RGS7: variants seen among roughly 807,000 people sequenced by gnomAD.
RGS7 encodes regulator of G protein signaling 7.
RGS7 carries 27 observed loss-of-function variants against 81.1 expected under a neutral mutation model. That is an observed-to-expected ratio of 0.33 (90% CI 0.25 to 0.46). RGS7 has a LOEUF of 0.46. RGS7 is among the 20% of genes least tolerant of loss of function. RGS7 has a pLI of 1.00. For missense variants in RGS7, 396 were observed against 607.4 expected (o/e 0.65, Z 3.66); for synonymous variants, 208 against 207.7 (o/e 1.00, Z -0.01).
intron 6 of RGS7, among the ~76,000 whole-genome samples, chr1:240,907,072 G>A (rs75285165): frequency 0.019 from 2,959 of 152,148 alleles, 43 homozygotes; most frequent in Non-Finnish European, 0.028. Context: ...GTAGATCTCC[G>A]GACTTTGGCT....
chr1:240,899,216 G>C (rs1039536733), intron 6 of RGS7, among the ~76,000 whole-genome samples: 1 of 152,132 alleles, frequency 6.6e-6, no homozygotes, highest in African/African-American at 2.4e-5. Flanking sequence ...ACAGCACACT[G>C]ATGGGTCTTG....
intron 18 of RGS7, among the ~76,000 whole-genome samples, chr1:240,783,812 C>T (rs1184147336): frequency 6.6e-6 from 1 of 151,772 alleles, no homozygotes; most frequent in African/African-American, 2.4e-5. Flanking sequence ...ATCCCTTCTT[C>T]ACAAAGGAAA....
intron 3 of RGS7, among the ~76,000 whole-genome samples, chr1:241,083,882 A>G (rs1402401372): frequency 6.7e-6 from 1 of 150,110 alleles, no homozygotes; most frequent in Non-Finnish European, 1.5e-5. Flanking sequence ...ATGATGAATG[A>G]AAAAAAACTC....
chr1:241,015,400 T>A (rs1195006268), intron 3 of RGS7, among the ~76,000 whole-genome samples: 1 of 152,224 alleles, frequency 6.6e-6, no homozygotes, highest in Non-Finnish European at 1.5e-5. Context: ...TGGTTGCTAA[T>A]GTTTTCAATT....
At chr1:241,058,109 A>G (rs1229146679) in intron 3 of RGS7, among the ~76,000 whole-genome samples, 1 of 152,178 alleles carries the variant, frequency 6.6e-6, no homozygotes, top group African/African-American at 2.4e-5. Context: ...AAAGCACCTG[A>G]AACTGGTTAT....
intron 2 of RGS7, among the ~76,000 whole-genome samples, chr1:241,351,581 C>T (rs2083254555): frequency 6.6e-6 from 1 of 152,180 alleles, no homozygotes; most frequent in South Asian, 2.1e-4. Flanking sequence ...GGCATTGTTT[C>T]CTCCTTTACA....
At chr1:240,778,529 T>TTTTTG (rs1054979999) in intron 18 of RGS7, among the ~76,000 whole-genome samples, 8 of 151,918 alleles carry the variant, frequency 5.3e-5, no homozygotes, top group South Asian at 2.1e-4. Context: ...ATTAAAGTGG[T>TTTTTG]TTTTGTTTTG....
downstream of RGS7, chr1:240,775,383 T>G (rs761230364): frequency 6.6e-6 from 1 of 152,204 alleles, no homozygotes; most frequent in Non-Finnish European, 1.5e-5. Flanking sequence ...TTCCGTACTA[T>G]CCAAGCTTGT....
At chr1:240,840,305 G>A (rs1245389671) in intron 9 of RGS7, among the ~76,000 whole-genome samples, 4 of 150,952 alleles carry the variant, frequency 2.6e-5, no homozygotes, top group East Asian at 3.9e-4. Context: ...ATGGAGTCTC[G>A]CTCCATTGCC....
chr1:240,993,078 A>AGAAG (rs796655584), intron 3 of RGS7, among the ~76,000 whole-genome samples: 6,656 of 109,936 alleles, frequency 0.061, 248 homozygotes, highest in African/African-American at 0.089. Context: ...GGAAAGAAAC[A>AGAAG]GAAGGAAGGA....
At chr1:241,316,619 C>G (rs1220904880) in intron 2 of RGS7, among the ~76,000 whole-genome samples, 1 of 152,148 alleles carries the variant, frequency 6.6e-6, no homozygotes, top group Non-Finnish European at 1.5e-5. Flanking sequence ...CCACTTGGTC[C>G]TGGTGTATGA....
intron 3 of RGS7, among the ~76,000 whole-genome samples, chr1:241,089,776 T>C (rs1296284851): frequency 6.6e-6 from 1 of 151,744 alleles, no homozygotes; most frequent in African/African-American, 2.4e-5. Context: ...GAGGAAGAGG[T>C]GGGCAGATCA....
intron 18 of RGS7, among the ~76,000 whole-genome samples, chr1:240,781,970 G>A (rs990568659): frequency 5.3e-5 from 8 of 151,702 alleles, no homozygotes; most frequent in Non-Finnish European, 8.8e-5. Context: ...AGCTGAGATC[G>A]CGCCATTGTA....
At chr1:241,180,875 T>C (rs1468470969) in intron 2 of RGS7, among the ~76,000 whole-genome samples, 1 of 152,258 alleles carries the variant, frequency 6.6e-6, no homozygotes, top group African/African-American at 2.4e-5. Context: ...TCTCAGACTT[T>C]ATTTCATCAT....
At chr1:241,249,448 C>T (rs1463151596) in intron 2 of RGS7, among the ~76,000 whole-genome samples, 1 of 151,998 alleles carries the variant, frequency 6.6e-6, no homozygotes, top group Non-Finnish European at 1.5e-5. Context: ...TATTTTTATG[C>T]CAATACTACA....
intron 9 of RGS7, among the ~76,000 whole-genome samples, chr1:240,861,343 T>C (rs566369884): frequency 6.6e-6 from 1 of 152,154 alleles, no homozygotes; most frequent in Non-Finnish European, 1.5e-5. Flanking sequence ...TTGGCATGCA[T>C]TCAACCCTAA....
chr1:240,863,319 C>T (rs148956197), intron 9 of RGS7, among the ~76,000 whole-genome samples: 2,472 of 151,910 alleles, frequency 0.016, 71 homozygotes, highest in African/African-American at 0.055. Flanking sequence ...ACTAAAAATA[C>T]AAAAAATTAG....
chr1:240,913,032 C>A (rs557388419), intron 6 of RGS7, among the ~76,000 whole-genome samples: 19 of 152,296 alleles, frequency 1.2e-4, no homozygotes, highest in Admixed American at 1.2e-3. Flanking sequence ...CTTCAGCATT[C>A]GGAGACACAA....
At chr1:240,789,008 C>T (rs1685520423) in intron 18 of RGS7, among the ~76,000 whole-genome samples, 1 of 152,102 alleles carries the variant, frequency 6.6e-6, no homozygotes, top group Admixed American at 6.6e-5. Flanking sequence ...TGTGGTGGCG[C>T]ATTGTTGTGG....
Sources: gnomAD v4.1 joint callset for allele counts (sites outside exome capture counted in the v4.1 genomes callset) on GRCh38, gnomAD v4.1.1 for gene constraint, MANE v1.5 for transcripts, NCBI Gene and HGNC (gene_info 2026-07-23, HGNC 2026-07-21) for gene names.